TBC1D14: variants seen among roughly 807,000 people sequenced by gnomAD.
The protein encoded by TBC1D14 is TBC1 domain family, member 14.
Under a neutral mutation model 79.0 loss-of-function variants are expected in TBC1D14, and 26 were observed. The ratio of observed to expected loss-of-function variants is 0.33; its 90% confidence interval spans 0.24 to 0.46. The LOEUF is 0.46. Among genes scored for constraint, TBC1D14 ranks in the 20% least tolerant of loss-of-function variants. The pLI is 1.00. For synonymous variants in TBC1D14, 394 were observed against 349.9 expected, an observed-to-expected ratio of 1.13 and a Z score of -1.40; for missense variants, 769 against 887.6, an observed-to-expected ratio of 0.87 and a Z score of 1.70.
Position 6,967,228 on chromosome 4 carries a change from A to G in TBC1D14, c.723-76A>G, listed in dbSNP as rs1025501181. ...CTCAGAGGAAAGCTGACTTGTTTTT[A>G]TTAGAGTGGTTCTGCTGTTCTGGTG... On this transcript the variant is annotated intron_variant, in intron 2 of 13. Transcript: ENST00000409757. The G allele has an allele frequency of 9.6e-6, 15 of 1,554,776 alleles. No homozygotes were observed. In the Admixed American group the frequency reaches 3.0e-4, roughly 31 times the overall value.
At position 7,014,547 on chromosome 4, in the gene TBC1D14, CT is replaced by C; in HGVS notation, c.1748del (p.Leu583GlnfsTer41). The C allele has an allele frequency of 6.2e-7, 1 of 1,608,906 alleles. No homozygotes were observed. Among genetic ancestry groups the C allele is most frequent in the Non-Finnish European group, 8.5e-7 (1 of 1,175,534 alleles). ...GAACAACCTAACTCCAGATATCTAC[CT>C]AATTGATTGGTAAGACTGGCTTTTC... ...KKNNLTPDIY[L>X]IDWIFTLYSK... On this transcript the variant is annotated frameshift_variant, in exon 12 of 14. Transcript: ENST00000409757. LOFTEE classifies it high-confidence loss of function.
intron 4 of TBC1D14, among the ~76,000 whole-genome samples, chr4:6,995,096 A>C (rs760166235): frequency 1.2e-4 from 18 of 152,218 alleles, no homozygotes; most frequent in Non-Finnish European, 2.6e-4. Context: ...TGAGGGACAC[A>C]GGCAGCCAGA....
chr4:6,917,759 G>A (rs796282721), intron 1 of TBC1D14, among the ~76,000 whole-genome samples: 2 of 152,136 alleles, frequency 1.3e-5, no homozygotes, highest in Non-Finnish European at 1.5e-5. Flanking sequence ...CCTGGCTGGC[G>A]TCCAGAGTCC....
chr4:6,967,051 T>C (rs1167476808), intron 2 of TBC1D14, among the ~76,000 whole-genome samples: 1 of 152,192 alleles, frequency 6.6e-6, no homozygotes, highest in African/African-American at 2.4e-5. Flanking sequence ...CCTCGTGATC[T>C]GCCCACCTCG....
chr4:6,988,379 C>G (rs535601249), intron 3 of TBC1D14, among the ~76,000 whole-genome samples: 2 of 152,344 alleles, frequency 1.3e-5, no homozygotes, highest in African/African-American at 4.8e-5. Flanking sequence ...ATTTAATCTT[C>G]AAGTGTAACA....
chr4:7,023,783 G>A lies in TBC1D14; in HGVS notation c.1758-1221G>A, dbSNP rs1033972779. ...AGTGAGATGAGAGAGCCCGTCTCCC[G>A]GGCATTTCTTGATGCATGGGGTGTC... On this transcript the variant is annotated intron_variant, in intron 12 of 13. Transcript: ENST00000409757. Among the ~76,000 whole-genome samples the A allele has an allele frequency of 3.3e-5, 5 of 152,204 alleles. No individual in the cohort carries two copies. The South Asian group carries it at 6.2e-4, about 19-fold the overall frequency.
intron 11 of TBC1D14, 88 bp downstream of exon 11, chr4:7,010,869 G>A: frequency 6.9e-7 from 1 of 1,455,694 alleles, no homozygotes; most frequent in Non-Finnish European, 9.3e-7. Flanking sequence ...TGGAAAAAAA[G>A]AATACATTTT....
chr4:6,960,884 G>C (rs1258779494), intron 2 of TBC1D14, among the ~76,000 whole-genome samples: 1 of 152,200 alleles, frequency 6.6e-6, no homozygotes, highest in Non-Finnish European at 1.5e-5. Flanking sequence ...GGAGGAGGCC[G>C]AGAGAGGCCA....
At chr4:6,974,951 G>A (rs1205944687) in intron 3 of TBC1D14, among the ~76,000 whole-genome samples, 1 of 149,030 alleles carries the variant, frequency 6.7e-6, no homozygotes, top group East Asian at 1.9e-4. Context: ...TTGCTCTGTT[G>A]CCCAGGCTGG....
chr4:6,944,348 C>T (rs1713219210), intron 2 of TBC1D14, among the ~76,000 whole-genome samples: 1 of 152,204 alleles, frequency 6.6e-6, no homozygotes, highest in Non-Finnish European at 1.5e-5. Flanking sequence ...ATTTGCTTGT[C>T]CAGCAATAAG....
Position 6,923,603 on chromosome 4 carries a change from G to C in TBC1D14, c.214G>C (p.Glu72Gln). ...QSVDSGIPTL[E>Q]IGNPEPVPCS... ...CGTGGACTCGGGGATTCCTACCCTG[G>C]AGATCGGGAACCCGGAGCCTGTACC... Residue 72 changes from glutamate to glutamine, a missense_variant, in exon 2 of 14, where the codon GAG becomes CAG. Physicochemically the swap from Glu to Gln is conservative, Grantham distance 29. Around this residue, in one of 2 missense-constraint regions of TBC1D14, gnomAD observed 402 missense variants for 393.2 expected, o/e 1.02. Coordinates refer to ENST00000409757, the MANE Select transcript of TBC1D14 (RefSeq NM_020773.3). 1.2e-6 allele frequency: 2 copies of C among 1,613,996 alleles called. No homozygotes were observed. Among genetic ancestry groups the C allele is most frequent in the African/African-American group, 1.3e-5 (1 of 75,054 alleles).
chr4:6,947,531 G>T (rs1011459668), intron 2 of TBC1D14, among the ~76,000 whole-genome samples: 1 of 151,788 alleles, frequency 6.6e-6, no homozygotes, highest in Non-Finnish European at 1.5e-5. Context: ...CCCTGGTGGC[G>T]GGTGCCTGTA....
intron 12 of TBC1D14, 75 bp downstream of exon 12, chr4:7,014,632 C>A: frequency 2.9e-6 from 3 of 1,037,866 alleles, no homozygotes; most frequent in Non-Finnish European, 4.4e-6. Flanking sequence ...TCTCTGCCAA[C>A]TTCTTCATGG....
rs1049633707 is a variant in TBC1D14 at position 7,005,350 on chromosome 4, A to G, written c.1351+426A>G. Among the ~76,000 whole-genome samples the G allele has an allele frequency of 2.7e-4, 41 of 152,200 alleles. 1 individual carries two copies. Among genetic ancestry groups the G allele is most frequent in the South Asian group, 4.1e-4 (2 of 4,838 alleles). ...GGAGTTCGAGACCAGCCTGGTCAAC[A>G]TGGCGAGACCCCCGTCTCTACTAAA... On this transcript the variant is annotated intron_variant, in intron 8 of 13. Transcript: ENST00000409757.
chr4:6,935,832 T>TG (rs1712266062), intron 2 of TBC1D14, among the ~76,000 whole-genome samples: 1 of 151,900 alleles, frequency 6.6e-6, no homozygotes, highest in South Asian at 2.1e-4. Flanking sequence ...TTAGTAGAAA[T>TG]GGGGTTTCAC....
chr4:7,011,436 C>T (rs1480575346), intron 11 of TBC1D14, among the ~76,000 whole-genome samples: 1 of 152,166 alleles, frequency 6.6e-6, no homozygotes, highest in Non-Finnish European at 1.5e-5. Context: ...TCAAGGCATG[C>T]ATCTGGTAAG....
At chr4:6,987,255 C>T (rs947529583) in intron 3 of TBC1D14, 10 of 1,272,836 alleles carry the variant, frequency 7.9e-6, no homozygotes, top group South Asian at 2.6e-5. Context: ...GTCCGCCCGC[C>T]CGCCCGCGGT....
intron 12 of TBC1D14, among the ~76,000 whole-genome samples, chr4:7,023,612 C>T (rs534712439): frequency 6.6e-6 from 1 of 152,210 alleles, no homozygotes; most frequent in Non-Finnish European, 1.5e-5. Flanking sequence ...AAGCCTGCGA[C>T]GGTGCTGCTG....
At chr4:6,919,896 G>T (rs1723711406) in intron 1 of TBC1D14, among the ~76,000 whole-genome samples, 2 of 152,220 alleles carry the variant, frequency 1.3e-5, no homozygotes, top group African/African-American at 4.8e-5. Flanking sequence ...TGGGATTACA[G>T]GCGTGAGCCA....
Sources: allele counts gnomAD v4.1 joint callset (sites outside exome capture counted in the v4.1 genomes callset), GRCh38; gene constraint gnomAD v4.1.1; regional missense constraint gnomAD v4.1.1; transcripts MANE v1.5; gene names NCBI Gene and HGNC (gene_info 2026-07-23, HGNC 2026-07-21).